The following GRIN3A variants were observed in gnomAD, a reference collection of about 807,000 sequenced individuals.
GRIN3A encodes the protein glutamate ionotropic receptor NMDA type subunit 3A.
A neutral mutation model predicts 92.4 loss-of-function variants in GRIN3A; 47 were observed. The ratio of observed to expected loss-of-function variants is 0.51; its 90% CI spans 0.40 to 0.65. GRIN3A has a LOEUF of 0.65. Ranked by LOEUF, GRIN3A falls within the 30% of genes least tolerant of loss-of-function variation. The probability of loss-of-function intolerance (pLI) is 0.00; values close to 1 mark genes in which losing one functional copy is unlikely to be tolerated. For synonymous variants in GRIN3A, 527 were observed against 540.6 expected, an observed-to-expected ratio of 0.97 and a Z score of 0.35; for missense variants, 1,324 against 1,393.1, an observed-to-expected ratio of 0.95 and a Z score of 0.79.
chr9:101,677,357 T>G (rs150773603), intron 2 of GRIN3A, among the ~76,000 whole-genome samples: 264 of 152,146 alleles, frequency 1.7e-3, no homozygotes, highest in Middle Eastern at 6.8e-3. Flanking sequence ...TTATTTTATT[T>G]TATTTTTTCT....
chr9:101,671,885 A>G (rs1420207075), intron 2 of GRIN3A, among the ~76,000 whole-genome samples: 1 of 152,168 alleles, frequency 6.6e-6, no homozygotes, highest in African/African-American at 2.4e-5. Context: ...TACCAACTAA[A>G]TAATATAGTG....
chr9:101,729,713 G>C (rs1830117380), intron 1 of GRIN3A, among the ~76,000 whole-genome samples: 1 of 152,138 alleles, frequency 6.6e-6, no homozygotes, highest in South Asian at 2.1e-4. Context: ...CAGGTACTCA[G>C]CCCTACCACA....
intron 6 of GRIN3A, among the ~76,000 whole-genome samples, chr9:101,583,143 C>T (rs888882667): frequency 6.6e-6 from 1 of 152,132 alleles, no homozygotes; most frequent in African/African-American, 2.4e-5. Flanking sequence ...ACCTTACTTA[C>T]CCAAGATCAT....
chr9:101,607,554 G>T (rs1187082200), intron 6 of GRIN3A, among the ~76,000 whole-genome samples: 1 of 152,136 alleles, frequency 6.6e-6, no homozygotes, highest in Non-Finnish European at 1.5e-5. Flanking sequence ...CACCCCGTGA[G>T]CAGGGAGAAG....
intron 3 of GRIN3A, among the ~76,000 whole-genome samples, chr9:101,638,614 G>C (rs1442510092): frequency 6.6e-6 from 1 of 152,204 alleles, no homozygotes; most frequent in African/African-American, 2.4e-5. Flanking sequence ...AACCATAATG[G>C]TGATGATGAT....
chr9:101,655,242 T>G (rs1047087410), intron 3 of GRIN3A, among the ~76,000 whole-genome samples: 2 of 151,880 alleles, frequency 1.3e-5, no homozygotes, highest in African/African-American at 4.8e-5. Context: ...CTGAAAACCT[T>G]CGCTGCCTAT....
At chr9:101,598,999 CTATG>C (rs1828176519) in intron 6 of GRIN3A, among the ~76,000 whole-genome samples, 1 of 152,134 alleles carries the variant, frequency 6.6e-6, no homozygotes, top group African/African-American at 2.4e-5. Flanking sequence ...CTGTATTTCC[CTATG>C]TGAGTGTGTG....
In GRIN3A at chr9:101,737,833, C is replaced by T; in HGVS notation, c.147G>A (p.Arg49=). ...AGGGCTGCAAGTGCACCGCGCCCAC[C>T]CTCACCGCGTGCCCGATGCGCTTGA... ...QILKRIGHAV[R]VGAVHLQPWT... is the part of the protein sequence containing the mutation. The change falls in exon 1 of 9, where the codon AGG becomes AGA. Residue 49 remains arginine, a synonymous_variant. Coordinates refer to ENST00000361820, the MANE Select transcript of GRIN3A (RefSeq NM_133445.3). 6.5e-7 allele frequency: 1 copy of T among 1,532,948 alleles called. No homozygotes were observed. The highest frequency in any genetic ancestry group is 1.4e-5 in the African/African-American group (1 of 73,062). The allele number at this position is 1,532,948 out of a possible 1,614,324, so 95.0% of individuals were successfully genotyped here.
chr9:101,649,574 T>A (rs1035427478), intron 3 of GRIN3A, among the ~76,000 whole-genome samples: 3 of 152,068 alleles, frequency 2.0e-5, no homozygotes, highest in East Asian at 3.9e-4. Flanking sequence ...AATGGTGTTA[T>A]GCTGGCTCGA....
At chr9:101,652,761 C>T (rs1829029569) in intron 3 of GRIN3A, among the ~76,000 whole-genome samples, 1 of 152,028 alleles carries the variant, frequency 6.6e-6, no homozygotes, top group South Asian at 2.1e-4. Flanking sequence ...ATGAGGCTTG[C>T]TTTTCTATCA....
intron 6 of GRIN3A, among the ~76,000 whole-genome samples, chr9:101,608,911 C>T (rs993548361): frequency 1.3e-5 from 2 of 152,116 alleles, no homozygotes; most frequent in Admixed American, 6.5e-5. Flanking sequence ...GCTTTGCAGA[C>T]GATTAAATCA....
intron 1 of GRIN3A, among the ~76,000 whole-genome samples, chr9:101,736,448 A>G (rs59275233): frequency 0.14 from 20,979 of 152,200 alleles, 2,595 homozygotes; most frequent in African/African-American, 0.32. Context: ...TTTCATTGAA[A>G]ATATGTTTAG....
intron 7 of GRIN3A, 98 bp from the exon 8 acceptor site, chr9:101,577,942 C>A: frequency 2.3e-6 from 2 of 869,052 alleles, no homozygotes; most frequent in Non-Finnish European, 1.9e-6. Context: ...GTAGTCGTTA[C>A]AAACCTTGGC....
At chr9:101,718,516 G>C (rs1264895715) in intron 1 of GRIN3A, among the ~76,000 whole-genome samples, 1 of 152,192 alleles carries the variant, frequency 6.6e-6, no homozygotes, top group African/African-American at 2.4e-5. Flanking sequence ...GGAGAGGAGT[G>C]ATGTGAGGAT....
At position 101,613,520 on chromosome 9, in the gene GRIN3A, G is replaced by A. The variant is rs1397079816; in HGVS notation, c.2622C>T (p.Gly874=). The A allele has an allele frequency of 4.3e-6, 7 of 1,614,160 alleles. No homozygotes were observed. The South Asian group carries it at 7.7e-5, about 18-fold the overall frequency. ...ATGGAGAGTTGGGTGGGAGGCCAAT[G>A]CCGTATCCTAGAAGAAAATACAATC... ...VGKPFAIEGY[G]IGLPPNSPLT... is the part of the protein sequence containing the mutation. The change falls in exon 6 of 9, where the codon GGC becomes GGT. Residue 874 remains glycine (G), a synonymous_variant. Transcript: ENST00000361820.
At chr9:101,726,839 A>G (rs1830087080) in intron 1 of GRIN3A, among the ~76,000 whole-genome samples, 1 of 152,054 alleles carries the variant, frequency 6.6e-6, no homozygotes, top group Non-Finnish European at 1.5e-5. Flanking sequence ...TTGAAATGTG[A>G]TTCATGTGCT....
At chr9:101,702,081 C>G (rs1481587961) in intron 1 of GRIN3A, among the ~76,000 whole-genome samples, 1 of 152,110 alleles carries the variant, frequency 6.6e-6, no homozygotes, top group Non-Finnish European at 1.5e-5. Flanking sequence ...TTGGGCGAAT[C>G]ACTTGAGGCC....
chr9:101,724,109 C>A (rs1432648044), intron 1 of GRIN3A, among the ~76,000 whole-genome samples: 1 of 152,218 alleles, frequency 6.6e-6, no homozygotes, highest in Admixed American at 6.5e-5. Flanking sequence ...CCACGCTGTG[C>A]GCCCGCACTC....
At chr9:101,650,789 A>AT (rs1431269948) in intron 3 of GRIN3A, among the ~76,000 whole-genome samples, 2 of 151,932 alleles carry the variant, frequency 1.3e-5, no homozygotes, top group Non-Finnish European at 2.9e-5. Context: ...GCATTTGCAC[A>AT]TGCTGTTACC....
Sources: allele counts gnomAD v4.1 joint callset (sites outside exome capture counted in the v4.1 genomes callset), GRCh38; gene constraint gnomAD v4.1.1; transcripts MANE v1.5; gene names NCBI Gene and HGNC (gene_info 2026-07-23, HGNC 2026-07-21).